Variants in ROBO2 observed in about 807,000 individuals in gnomAD.
ROBO2 encodes roundabout homolog 2.
In ROBO2, 53 loss-of-function variants were observed where a neutral mutation model predicts 160.8. The observed-to-expected ratio is 0.33, with a 90% confidence interval of 0.26 to 0.41. The LOEUF is 0.41. Among genes scored for constraint, ROBO2 ranks in the 10% least tolerant of loss-of-function variants. The pLI, the probability that ROBO2 is intolerant of heterozygous loss-of-function variation, is 1.00. For synonymous variants in ROBO2, 664 were observed against 611.7 expected (o/e 1.09, Z -1.26); for missense variants, 1,577 against 1,722.4 (o/e 0.92, Z 1.49).
intron 2 of ROBO2, among the ~76,000 whole-genome samples, chr3:77,433,486 G>GTGTATATATATATATA (rs1553954821): frequency 2.0e-5 from 2 of 99,402 alleles, no homozygotes; most frequent in African/African-American, 7.1e-5. Context: ...CTGGCAACTT[G>GTGTATATATATATATA]TATATATATA....
Position 76,311,941 on chromosome 3 carries a change from T to C in ROBO2, c.109+374339T>C, listed in dbSNP as rs576221669. On this transcript the variant is annotated intron_variant, in intron 2 of 26. Transcript: ENST00000487694. ...AAAATCTGCTGAATGAGAAAAAGCC[T>C]TTCAGTACTTTGAAGTGTTGTAATA... Among the ~76,000 whole-genome samples, 5 of 152,340 alleles carry C rather than the reference T, an allele frequency of 3.3e-5. No individual in the cohort carries two copies. In the South Asian group the frequency reaches 6.2e-4, roughly 19 times the overall value.
intron 2 of ROBO2, among the ~76,000 whole-genome samples, chr3:77,306,224 T>C (rs536035649): frequency 2.2e-3 from 334 of 152,246 alleles, no homozygotes; most frequent in Middle Eastern, 7.0e-3. Context: ...TTAATAATCC[T>C]ATTTAAAAAT....
intron 2 of ROBO2, among the ~76,000 whole-genome samples, chr3:76,687,954 A>G (rs1369251215): frequency 6.6e-6 from 1 of 152,076 alleles, no homozygotes; most frequent in Non-Finnish European, 1.5e-5. Flanking sequence ...ATATTGGCTT[A>G]TGCCACTTTG....
intron 2 of ROBO2, among the ~76,000 whole-genome samples, chr3:77,302,108 C>A (rs1363411271): frequency 6.7e-6 from 1 of 149,532 alleles, no homozygotes; most frequent in Non-Finnish European, 1.5e-5. Context: ...TAAGTAAAGA[C>A]ATTTTTTTTT....
intron 2 of ROBO2, among the ~76,000 whole-genome samples, chr3:77,034,870 C>T (rs940498279): frequency 6.6e-6 from 1 of 151,824 alleles, no homozygotes; most frequent in African/African-American, 2.4e-5. Flanking sequence ...GGCAAAGAAT[C>T]AAAGGGATTT....
At chr3:76,345,055 G>A (rs996063139) in intron 2 of ROBO2, among the ~76,000 whole-genome samples, 2 of 152,108 alleles carry the variant, frequency 1.3e-5, no homozygotes, top group African/African-American at 4.8e-5. Context: ...ACTCCTGAGC[G>A]CCACTGCCTT....
chr3:76,093,452 A>AATATAATATAATATT (rs1213000531), intron 2 of ROBO2, among the ~76,000 whole-genome samples: 5 of 146,896 alleles, frequency 3.4e-5, no homozygotes, highest in Non-Finnish European at 7.4e-5. Flanking sequence ...GGCCTGCTTG[A>AATATAATATAATATT]AAAAAATACA....
chr3:75,979,426 T>C (rs61201780), intron 2 of ROBO2, among the ~76,000 whole-genome samples: 3,573 of 151,552 alleles, frequency 0.024, 139 homozygotes, highest in African/African-American at 0.082. Context: ...GAGAATAGGA[T>C]CAGCCCAAGT....
chr3:77,538,164 C>A (rs2092260920), intron 6 of ROBO2, among the ~76,000 whole-genome samples: 2 of 134,106 alleles, frequency 1.5e-5, no homozygotes, highest in Non-Finnish European at 3.1e-5. Flanking sequence ...GCAATTTGAT[C>A]ATTTACTTTT....
chr3:76,537,769 G>A (rs564850193), intron 2 of ROBO2, among the ~76,000 whole-genome samples: 7 of 152,232 alleles, frequency 4.6e-5, no homozygotes, highest in Admixed American at 3.3e-4. Context: ...GGCTGAGTCC[G>A]AAAAGAGAGT....
intron 2 of ROBO2, among the ~76,000 whole-genome samples, chr3:76,930,022 CTCTTT>C (rs2077236635): frequency 1.3e-5 from 2 of 152,096 alleles, no homozygotes; most frequent in South Asian, 4.2e-4. Flanking sequence ...TTGTCAAATA[CTCTTT>C]TCTTTTTTTC....
At chr3:76,425,487 A>AGTGT (rs10530471) in intron 2 of ROBO2, among the ~76,000 whole-genome samples, 51 of 146,578 alleles carry the variant, frequency 3.5e-4, no homozygotes, top group South Asian at 2.0e-3. Context: ...TGATGCAGCA[A>AGTGT]GTGTGTGTGT....
chr3:77,536,396 CTCTT>C (rs2153638819), intron 6 of ROBO2, among the ~76,000 whole-genome samples: 1 of 152,098 alleles, frequency 6.6e-6, no homozygotes, highest in South Asian at 2.1e-4. Flanking sequence ...TTCCCTCTCT[CTCTT>C]CTTTTCTCTC....
chr3:77,244,749 G>A (rs529439840), intron 2 of ROBO2, among the ~76,000 whole-genome samples: 61 of 151,774 alleles, frequency 4.0e-4, no homozygotes, highest in South Asian at 3.5e-3. Flanking sequence ...GTGGTGGTGC[G>A]CACCTGCAGT....
At chr3:76,522,670 GA>G (rs1349525966) in intron 2 of ROBO2, among the ~76,000 whole-genome samples, 1 of 152,040 alleles carries the variant, frequency 6.6e-6, no homozygotes, top group Non-Finnish European at 1.5e-5. Flanking sequence ...AGATTCCACT[GA>G]ATGATTTATC....
At chr3:77,122,933 T>G (rs1360142916) in intron 2 of ROBO2, among the ~76,000 whole-genome samples, 1 of 152,140 alleles carries the variant, frequency 6.6e-6, no homozygotes, top group Non-Finnish European at 1.5e-5. Flanking sequence ...TCCTCCCTAG[T>G]AAGTCTGGGA....
At chr3:77,134,253 G>C (rs1050229485) in intron 2 of ROBO2, among the ~76,000 whole-genome samples, 1 of 152,062 alleles carries the variant, frequency 6.6e-6, no homozygotes, top group South Asian at 2.1e-4. Context: ...TATTTCCACA[G>C]AGTCTTTTTG....
chr3:76,162,822 C>T (rs779463297), intron 2 of ROBO2, among the ~76,000 whole-genome samples: 2 of 152,162 alleles, frequency 1.3e-5, no homozygotes, highest in Non-Finnish European at 2.9e-5. Context: ...CCCTATACTA[C>T]TCCTTCATAT....
intron 2 of ROBO2, among the ~76,000 whole-genome samples, chr3:76,064,762 T>C (rs78977511): frequency 0.025 from 3,837 of 152,250 alleles, 159 homozygotes; most frequent in African/African-American, 0.087. Flanking sequence ...AGGAAGTGTC[T>C]ATTCAGGGCA....
Sources: allele counts gnomAD v4.1 joint callset (sites outside exome capture counted in the v4.1 genomes callset), GRCh38; gene constraint gnomAD v4.1.1; transcripts MANE v1.5; gene names NCBI Gene and HGNC (gene_info 2026-07-23, HGNC 2026-07-21).